The following NRXN1 variants were observed in gnomAD, a reference collection of about 807,000 sequenced individuals.
NRXN1 encodes the protein neurexin 1, also known as neurexin-1.
In NRXN1, 39 loss-of-function variants were observed where a neutral mutation model predicts 150.9. The observed-to-expected ratio is 0.26, with a 90% CI of 0.20 to 0.34. The LOEUF (loss-of-function observed/expected upper bound fraction) is 0.34, where lower values mean the gene tolerates loss of function less well. Ranked by LOEUF, NRXN1 falls within the 10% of genes least tolerant of loss-of-function variation. The probability of loss-of-function intolerance (pLI) is 1.00; values close to 1 mark genes in which losing one functional copy is unlikely to be tolerated. For missense variants in NRXN1, 1,815 were observed against 1,949.9 expected (o/e 0.93, Z 1.30); for synonymous variants, 924 against 757.0 (o/e 1.22, Z -3.62).
intron 18 of NRXN1, among the ~76,000 whole-genome samples, chr2:50,103,261 G>T (rs1395565305): frequency 6.6e-6 from 1 of 151,988 alleles, no homozygotes; most frequent in African/African-American, 2.4e-5. Flanking sequence ...TTCTTTGTGT[G>T]GTGGAATGTC....
At chr2:50,756,641 A>G (rs1372780557) in intron 5 of NRXN1, among the ~76,000 whole-genome samples, 1 of 151,886 alleles carries the variant, frequency 6.6e-6, no homozygotes, top group Non-Finnish European at 1.5e-5. Flanking sequence ...TAAATATCCA[A>G]CAATAGTAAA....
chr2:50,862,884 G>A (rs1435595113), intron 5 of NRXN1, among the ~76,000 whole-genome samples: 1 of 151,962 alleles, frequency 6.6e-6, no homozygotes, highest in Non-Finnish European at 1.5e-5. Context: ...CTATGATATG[G>A]AAATTCCTAC....
intron 5 of NRXN1, among the ~76,000 whole-genome samples, chr2:50,737,286 G>A (rs914452087): frequency 7.9e-5 from 12 of 152,048 alleles, no homozygotes; most frequent in African/African-American, 2.2e-4. Flanking sequence ...GCACATAATG[G>A]CATAAAAGGT....
chr2:50,228,019 A>G (rs933293462), intron 18 of NRXN1, among the ~76,000 whole-genome samples: 1 of 152,030 alleles, frequency 6.6e-6, no homozygotes, highest in Non-Finnish European at 1.5e-5. Context: ...CTGATGGAAA[A>G]TTTAGATTCT....
At chr2:50,521,414 A>G (rs1017578528) in intron 12 of NRXN1, among the ~76,000 whole-genome samples, 2 of 152,178 alleles carry the variant, frequency 1.3e-5, no homozygotes, top group Non-Finnish European at 2.9e-5. Context: ...ATAATAAACA[A>G]TCCAATTTTA....
intron 17 of NRXN1, among the ~76,000 whole-genome samples, chr2:50,348,260 A>G (rs2078189954): frequency 6.6e-6 from 1 of 152,184 alleles, no homozygotes; most frequent in African/African-American, 2.4e-5. Flanking sequence ...TATCTCATAT[A>G]AGGCAGTGGA....
At chr2:50,190,438 A>G (rs2152821522) in intron 18 of NRXN1, among the ~76,000 whole-genome samples, 1 of 152,232 alleles carries the variant, frequency 6.6e-6, no homozygotes, top group Admixed American at 6.5e-5. Context: ...TTACATCTCA[A>G]GCATATAGGC....
At chr2:50,654,809 T>C (rs1277300860) in intron 5 of NRXN1, among the ~76,000 whole-genome samples, 6 of 152,076 alleles carry the variant, frequency 3.9e-5, no homozygotes, top group Middle Eastern at 3.2e-3. Context: ...CATGTGTCTG[T>C]TGGCTGCATA....
intron 19 of NRXN1, among the ~76,000 whole-genome samples, chr2:50,086,974 G>A (rs1698878854): frequency 6.6e-6 from 1 of 151,978 alleles, no homozygotes; most frequent in Admixed American, 6.6e-5. Context: ...TTTGATACCT[G>A]GATTGGTTAG....
At chr2:50,379,164 G>A (rs956085976) in intron 17 of NRXN1, among the ~76,000 whole-genome samples, 5 of 152,104 alleles carry the variant, frequency 3.3e-5, no homozygotes, top group African/African-American at 1.2e-4. Flanking sequence ...ATTATTCAGA[G>A]GAAGAAGATA....
intron 12 of NRXN1, 63 bp from the exon 13 acceptor site, chr2:50,506,680 A>G: frequency 6.4e-7 from 1 of 1,560,260 alleles, no homozygotes; most frequent in South Asian, 1.2e-5. Flanking sequence ...TGAACCTCAC[A>G]GAGAGTGAGA....
At chr2:50,817,388 A>G (rs1300955916) in intron 5 of NRXN1, among the ~76,000 whole-genome samples, 1 of 152,078 alleles carries the variant, frequency 6.6e-6, no homozygotes, top group Non-Finnish European at 1.5e-5. Flanking sequence ...AGAAAAGCCC[A>G]GATGAGATGG....
intron 18 of NRXN1, among the ~76,000 whole-genome samples, chr2:50,193,637 C>T (rs942544478): frequency 6.6e-6 from 1 of 152,088 alleles, no homozygotes; most frequent in Non-Finnish European, 1.5e-5. Flanking sequence ...ATCTAATTTT[C>T]TTTTGAATTA....
intron 2 of NRXN1, among the ~76,000 whole-genome samples, chr2:50,968,996 C>G (rs1446488907): frequency 6.6e-6 from 1 of 151,998 alleles, no homozygotes; most frequent in Admixed American, 6.6e-5. Flanking sequence ...TCTTTTCCAC[C>G]CTCACCTTCT....
At chr2:50,980,809 T>C (rs1220520461) in intron 2 of NRXN1, among the ~76,000 whole-genome samples, 1 of 152,134 alleles carries the variant, frequency 6.6e-6, no homozygotes, top group Non-Finnish European at 1.5e-5. Flanking sequence ...GTTATAAATG[T>C]ATTTAACTGA....
rs1159136 is a variant in NRXN1 at position 50,006,234 on chromosome 2, C to A, written c.4128+47037G>T. Among the ~76,000 whole-genome samples, 60 of 152,014 alleles carry A rather than the reference C, an allele frequency of 3.9e-4. 2 individuals carry two copies. Among genetic ancestry groups the A allele is most frequent in the Middle Eastern group, 3.4e-3 (1 of 294 alleles). ...TACACAATATTCCCACTTCCATTAC[C>A]CTAGTTCTAATTTTCATTACCTCCT... On this transcript the variant is annotated intron_variant, in intron 21 of 22. Coordinates refer to ENST00000401669, the MANE Select transcript of NRXN1 (RefSeq NM_001330078.2).
chr2:50,480,584 A>G (rs1372308834), intron 15 of NRXN1, among the ~76,000 whole-genome samples: 1 of 152,144 alleles, frequency 6.6e-6, no homozygotes, highest in Non-Finnish European at 1.5e-5. Context: ...GCTCTGCTCT[A>G]GTGAGTTTGT....
chr2:50,193,586 T>C (rs2061576257), intron 18 of NRXN1, among the ~76,000 whole-genome samples: 1 of 152,146 alleles, frequency 6.6e-6, no homozygotes, highest in Non-Finnish European at 1.5e-5. Flanking sequence ...CATATACAAA[T>C]TGTTAAATTG....
chr2:50,201,049 A>T (rs987774353), intron 18 of NRXN1, among the ~76,000 whole-genome samples: 1 of 152,238 alleles, frequency 6.6e-6, no homozygotes. Flanking sequence ...TTCTGAGGCC[A>T]GTATTTTAAT....
Sources: allele counts gnomAD v4.1 joint callset (sites outside exome capture counted in the v4.1 genomes callset), GRCh38; gene constraint gnomAD v4.1.1; transcripts MANE v1.5; gene names NCBI Gene and HGNC (gene_info 2026-07-23, HGNC 2026-07-21).